The following ZNF560 variants were observed in gnomAD, a reference collection of about 807,000 sequenced individuals.
The protein encoded by ZNF560 is zinc finger protein 560.
A neutral mutation model predicts 81.8 loss-of-function variants in ZNF560; 54 were observed. The ratio of observed to expected loss-of-function variants is 0.66; its 90% confidence interval spans 0.53 to 0.83. ZNF560 has a LOEUF of 0.83. Among genes scored for constraint, ZNF560 ranks in the 40% least tolerant of loss-of-function variants. ZNF560 has a pLI of 0.00. For synonymous variants in ZNF560, 321 were observed against 317.9 expected (o/e 1.01, Z -0.10); for missense variants, 940 against 932.4 (o/e 1.01, Z -0.11).
chr19:9,461,923 G>A (rs1358415824), downstream of ZNF560, among the ~76,000 whole-genome samples: 1 of 152,204 alleles, frequency 6.6e-6, no homozygotes, highest in Non-Finnish European at 1.5e-5. Flanking sequence ...AGTTGCAGAT[G>A]GATTGGCAGC....
chr19:9,486,734 C>CT (rs2073389641), intron 2 of ZNF560, among the ~76,000 whole-genome samples: 1 of 148,982 alleles, frequency 6.7e-6, no homozygotes, highest in Non-Finnish European at 1.5e-5. Context: ...GAGTGAGACT[C>CT]TGTCTCAAAA....
chr19:9,472,628 G>A (rs2073140434), intron 5 of ZNF560, among the ~76,000 whole-genome samples: 1 of 152,172 alleles, frequency 6.6e-6, no homozygotes, highest in Admixed American at 6.5e-5. Context: ...CTGGTTACAG[G>A]AAAACAACCT....
chr19:9,475,773 A>C (rs2073191914), intron 2 of ZNF560, among the ~76,000 whole-genome samples: 1 of 151,830 alleles, frequency 6.6e-6, no homozygotes, highest in South Asian at 2.1e-4. Context: ...CGCCCGGCTA[A>C]TTTTTTGTAG....
rs773696754 is a variant in ZNF560, at chr19:9,471,401, GGTT to G, written c.239-26_239-24del. 5 of 1,423,900 alleles carry G rather than the reference GGTT, an allele frequency of 3.5e-6. No homozygotes were observed. The African/African-American group carries it at 6.5e-5, about 19-fold the overall frequency. 88.2% of individuals were successfully genotyped at this position (1,423,900 alleles called of 1,614,324 possible). ...AGTCTGAAACAAAAACATAAACTGA[GGTT>G]TTTTTTTTTTTTAAAAAAAAAGGTA... On this transcript the variant is annotated intron_variant, in intron 5 of 9. Transcript: ENST00000301480.
chr19:9,505,286 A>G, the ZNF560 span, among the ~76,000 whole-genome samples: 1 of 152,200 alleles, frequency 6.6e-6, no homozygotes, highest in African/African-American at 2.4e-5. Flanking sequence ...TGTATATTAT[A>G]AAGTCTTTTA....
intron 2 of ZNF560, among the ~76,000 whole-genome samples, chr19:9,483,969 T>A (rs75084592): frequency 0.15 from 22,845 of 151,930 alleles, 2,575 homozygotes; most frequent in African/African-American, 0.31. Context: ...CTGCCTTGGG[T>A]TGCTGTTGAT....
the ZNF560 span, among the ~76,000 whole-genome samples, chr19:9,446,856 G>A: frequency 6.0e-3 from 916 of 152,202 alleles, 7 homozygotes; most frequent in African/African-American, 0.021. Context: ...CTAAAAAATA[G>A]CAGACAGCTG....
the ZNF560 span, among the ~76,000 whole-genome samples, chr19:9,504,554 T>C: frequency 6.6e-6 from 1 of 152,248 alleles, no homozygotes; most frequent in African/African-American, 2.4e-5. Flanking sequence ...TGATATCAGA[T>C]GGACTGTTCT....
chr19:9,462,701 G>C (rs750520500), downstream of ZNF560, among the ~76,000 whole-genome samples: 2 of 151,696 alleles, frequency 1.3e-5, no homozygotes, highest in Non-Finnish European at 1.5e-5. Flanking sequence ...TACTCAAACT[G>C]CATTTTTCTG....
chr19:9,450,866 C>G, the ZNF560 span, among the ~76,000 whole-genome samples: 1 of 152,030 alleles, frequency 6.6e-6, no homozygotes, highest in African/African-American at 2.4e-5. Context: ...AAGCTGAGAG[C>G]CAAATCAAGA....
At chr19:9,490,660 G>C (rs1039205725) in intron 2 of ZNF560, among the ~76,000 whole-genome samples, 1 of 152,202 alleles carries the variant, frequency 6.6e-6, no homozygotes, top group African/African-American at 2.4e-5. Context: ...TAGTTGTTCT[G>C]TTCCAATTAT....
Position 9,466,879 on chromosome 19 carries a change from CA to C in ZNF560, c.2067del (p.Cys689TrpfsTer15). Reference sequence around the variant, plus strand: ...CACATGGAATTTCGAAAGGAATTTCCACATGCGTTACATTCAGAGGTCTTCT... The same window carrying C: ...CACATGGAATTTCGAAAGGAATTTCCCATGCGTTACATTCAGAGGTCTTCT... ...AAEKTSECNA[C>X]GNSFRNSMCF... On this transcript the variant is annotated frameshift_variant, in exon 10 of 10. Transcript: ENST00000301480. LOFTEE classifies it high-confidence loss of function. The C allele has an allele frequency of 6.2e-7, 1 of 1,613,972 alleles. No individual in the cohort carries two copies.
chr19:9,500,256 G>A (rs558416963), upstream of ZNF560, among the ~76,000 whole-genome samples: 19 of 151,942 alleles, frequency 1.3e-4, no homozygotes, highest in Admixed American at 5.2e-4. Flanking sequence ...GTGGTGGTTG[G>A]CACCTGTAAT....
At chr19:9,449,864 G>C in the ZNF560 span, among the ~76,000 whole-genome samples, 1 of 151,512 alleles carries the variant, frequency 6.6e-6, no homozygotes, top group East Asian at 2.0e-4. Context: ...AGTTACTTGG[G>C]AGGCTGAGGC....
At chr19:9,464,907 A>T (rs60851308), downstream of ZNF560, among the ~76,000 whole-genome samples, 4 of 152,216 alleles carry the variant, frequency 2.6e-5, no homozygotes, top group South Asian at 4.1e-4. Context: ...CCAGTTTCTC[A>T]TAAGTGTGAA....
intron 2 of ZNF560, among the ~76,000 whole-genome samples, chr19:9,483,579 G>C (rs1331073882): frequency 6.8e-6 from 1 of 147,698 alleles, no homozygotes; most frequent in African/African-American, 2.5e-5. Context: ...CCGGGAGGGG[G>C]GTGGGGGGTC....
At chr19:9,494,459 G>C (rs1443511635) in intron 2 of ZNF560, among the ~76,000 whole-genome samples, 1 of 152,188 alleles carries the variant, frequency 6.6e-6, no homozygotes, top group Non-Finnish European at 1.5e-5. Flanking sequence ...GGGAGGCCAG[G>C]TGCAGGGGCT....
At position 9,489,179 on chromosome 19, in the gene ZNF560, T is replaced by C. The variant is rs150115989; in HGVS notation, c.-57+8949A>G. 7.3e-3 allele frequency among the ~76,000 whole-genome samples: 1,112 copies of C among 152,362 alleles called. 12 individuals carry two copies. The highest frequency in any genetic ancestry group is 0.026 in the African/African-American group (1,076 of 41,586). ...AGGGCAGAAAGATCACACACAAGGC[T>C]GTCACTTCACACTTGGAGGTTTGCA... On this transcript the variant is annotated intron_variant, in intron 2 of 9. Transcript: ENST00000301480.
At position 9,466,526 on chromosome 19, in the gene ZNF560, G is replaced by A. The variant is rs777608482; in HGVS notation, c.*48C>T. 10 of 1,511,058 alleles carry A rather than the reference G, an allele frequency of 6.6e-6. No individual in the cohort carries two copies. In the Admixed American group the frequency reaches 2.2e-4, roughly 33 times the overall value. The allele number at this position is 1,511,058 out of a possible 1,614,324, so 93.6% of individuals were successfully genotyped here. On this transcript the variant is annotated 3_prime_UTR_variant, in exon 10 of 10. Coordinates refer to ENST00000301480, the MANE Select transcript of ZNF560 (RefSeq NM_152476.3). ...TTTTACATGTTCAGTTAGGCTTGAG[G>A]AAACAGCAAAGGTTTTTCCACATTC...
Sources: allele counts gnomAD v4.1 joint callset (sites outside exome capture counted in the v4.1 genomes callset), GRCh38; gene constraint gnomAD v4.1.1; transcripts MANE v1.5; gene names NCBI Gene and HGNC (gene_info 2026-07-23, HGNC 2026-07-21).